GRIN3A: variants seen among roughly 807,000 people sequenced by gnomAD.
GRIN3A encodes glutamate receptor ionotropic, NMDA 3A.
In GRIN3A, 47 loss-of-function variants were observed where a neutral mutation model predicts 92.4. The ratio of observed to expected loss-of-function variants is 0.51; its 90% confidence interval spans 0.40 to 0.65. The LOEUF (loss-of-function observed/expected upper bound fraction) is 0.65, where lower values mean the gene tolerates loss of function less well. Ranked by LOEUF, GRIN3A falls within the 30% of genes least tolerant of loss-of-function variation. The pLI is 0.00. For synonymous variants in GRIN3A, 527 were observed against 540.6 expected (o/e 0.97, Z 0.35); for missense variants, 1,324 against 1,393.1 (o/e 0.95, Z 0.79).
intron 8 of GRIN3A, 45 bp downstream of exon 8, chr9:101,577,723 A>T: frequency 1.5e-6 from 2 of 1,334,262 alleles, no homozygotes; most frequent in Admixed American, 1.7e-5. Context: ...ATCTCTAAAG[A>T]TTATTTTACA....
chr9:101,712,735 A>G (rs1268713057), intron 1 of GRIN3A, among the ~76,000 whole-genome samples: 5 of 152,290 alleles, frequency 3.3e-5, no homozygotes, highest in Non-Finnish European at 2.9e-5. Context: ...TGCACAAACT[A>G]CCAGCTAGTG....
chr9:101,658,760 G>A (rs200024809), intron 3 of GRIN3A, among the ~76,000 whole-genome samples: 2,140 of 151,436 alleles, frequency 0.014, 49 homozygotes, highest in East Asian at 0.099. Context: ...CTGTCTATCT[G>A]TCTATCTATC....
At chr9:101,600,384 T>C (rs1441172767) in intron 6 of GRIN3A, among the ~76,000 whole-genome samples, 1 of 152,124 alleles carries the variant, frequency 6.6e-6, no homozygotes. Context: ...TGACCTAAAG[T>C]GGATACTTTT....
intron 6 of GRIN3A, among the ~76,000 whole-genome samples, chr9:101,584,721 G>A (rs911005238): frequency 7.2e-5 from 11 of 152,220 alleles, no homozygotes; most frequent in African/African-American, 2.7e-4. Context: ...AAAAGGAGAT[G>A]TTTGTACTAT....
intron 1 of GRIN3A, among the ~76,000 whole-genome samples, chr9:101,709,101 T>C (rs1035783731): frequency 6.6e-6 from 1 of 152,136 alleles, no homozygotes; most frequent in Non-Finnish European, 1.5e-5. Flanking sequence ...CTCTTTGTTT[T>C]TTTTTTCTTC....
chr9:101,654,325 A>T (rs7046942), intron 3 of GRIN3A, among the ~76,000 whole-genome samples: 70,946 of 150,872 alleles, frequency 0.47, 16,903 homozygotes, highest in Middle Eastern at 0.54. Flanking sequence ...AATATACATA[A>T]GTACTATATT....
intron 6 of GRIN3A, among the ~76,000 whole-genome samples, chr9:101,602,134 A>G (rs1307923742): frequency 2.6e-5 from 4 of 152,150 alleles, no homozygotes. Context: ...TAAAGGCTCC[A>G]GGGCTCTCTC....
At position 101,737,944 on chromosome 9, in the gene GRIN3A, C is replaced by A. The variant is rs969833256; in HGVS notation, c.36G>T (p.Arg12Ser). The A allele has an allele frequency of 3.9e-6, 6 of 1,538,012 alleles. No individual in the cohort carries two copies. The highest frequency in any genetic ancestry group is 4.4e-6 in the Non-Finnish European group (5 of 1,148,624). ...AGGGCGGCGGCAACAGCAGACAGAC[C>A]CTGCTCAGCAGCCACCACAAACTCA... ...RRLSLWWLLS[R>S]VCLLLPPPCA... The change falls in exon 1 of 9, where the codon AGG (arginine) becomes AGT (serine). Residue 12 changes from arginine to serine, a missense_variant. Coordinates refer to ENST00000361820, the MANE Select transcript of GRIN3A (RefSeq NM_133445.3).
At chr9:101,676,766 T>A (rs1030147017) in intron 2 of GRIN3A, among the ~76,000 whole-genome samples, 1 of 152,168 alleles carries the variant, frequency 6.6e-6, no homozygotes, top group East Asian at 1.9e-4. Flanking sequence ...TTAATTTAGC[T>A]TGCGATCTAC....
At position 101,628,304 on chromosome 9, in the gene GRIN3A, A is replaced by G. The variant is rs1224650633; in HGVS notation, c.2450T>C (p.Met817Thr). Residue 817 changes from methionine (M) to threonine (T), a missense_variant, in exon 4 of 9, where the codon ATG (methionine) becomes ACG (threonine). Coordinates refer to ENST00000361820, the MANE Select transcript of GRIN3A (RefSeq NM_133445.3). ...RQSFPEMHEY[M>T]RRYNVPATPD... ...GGTGGCTGGAACATTGTACCTTCTCATATATTCATGCATCTCTGGGAAACT... is the reference window on the plus strand; with the variant it reads ...GGTGGCTGGAACATTGTACCTTCTCGTATATTCATGCATCTCTGGGAAACT... 1.2e-6 allele frequency: 2 copies of G among 1,613,582 alleles called. No individual in the cohort carries two copies. Among genetic ancestry groups the G allele is most frequent in the South Asian group, 2.2e-5 (2 of 91,072 alleles).
At chr9:101,680,498 GAA>G (rs1336556648) in intron 2 of GRIN3A, among the ~76,000 whole-genome samples, 2 of 152,174 alleles carry the variant, frequency 1.3e-5, no homozygotes, top group African/African-American at 4.8e-5. Context: ...AGTTTGAAGA[GAA>G]AAGAGTCTCT....
At chr9:101,673,214 A>G (rs1483393808) in intron 2 of GRIN3A, among the ~76,000 whole-genome samples, 2 of 152,136 alleles carry the variant, frequency 1.3e-5, no homozygotes, top group African/African-American at 2.4e-5. Context: ...TGCTTAAACC[A>G]TATCAGAAAA....
intron 3 of GRIN3A, among the ~76,000 whole-genome samples, chr9:101,630,070 G>A (rs1193469036): frequency 1.3e-5 from 2 of 152,142 alleles, no homozygotes; most frequent in African/African-American, 2.4e-5. Context: ...CTTGCGCAAG[G>A]CACATTTATC....
intron 3 of GRIN3A, among the ~76,000 whole-genome samples, chr9:101,641,686 C>T (rs1372133170): frequency 6.6e-6 from 1 of 151,216 alleles, no homozygotes; most frequent in East Asian, 1.9e-4. Flanking sequence ...TGCTAAATGA[C>T]GAGTTAATGG....
intron 1 of GRIN3A, among the ~76,000 whole-genome samples, chr9:101,708,795 A>C (rs1331007642): frequency 2.6e-5 from 4 of 152,228 alleles, no homozygotes; most frequent in African/African-American, 4.8e-5. Context: ...CTATGCTAAC[A>C]TCTCCCAGAT....
intron 3 of GRIN3A, among the ~76,000 whole-genome samples, chr9:101,640,734 C>G (rs1828847216): frequency 6.6e-6 from 1 of 152,114 alleles, no homozygotes; most frequent in African/African-American, 2.4e-5. Flanking sequence ...GAATGAGTCT[C>G]ATGAGATCTG....
intron 1 of GRIN3A, among the ~76,000 whole-genome samples, chr9:101,716,728 T>C (rs1194681667): frequency 6.6e-6 from 1 of 152,226 alleles, no homozygotes; most frequent in Non-Finnish European, 1.5e-5. Flanking sequence ...ACTTGTCTGC[T>C]TTACAAATCC....
In GRIN3A at chr9:101,693,242, AAAATATATAT is replaced by A. The variant is rs1452445318; in HGVS notation, c.700-6052_700-6043del. On this transcript the variant is annotated intron_variant, in intron 1 of 8. Coordinates refer to ENST00000361820, the MANE Select transcript of GRIN3A (RefSeq NM_133445.3). ...AAGATGGTGAAACCCCATCTCAGCTAAAATATATATATATATATATATATATATATTGCAC... is the reference window on the plus strand; with the variant it reads ...AAGATGGTGAAACCCCATCTCAGCTAATATATATATATATATATATTGCAC... Among the ~76,000 whole-genome samples, 339 of 80,424 alleles carry A rather than the reference AAAATATATAT, an allele frequency of 4.2e-3. 3 individuals are homozygous for A. The highest frequency in any genetic ancestry group is 9.7e-3 in the African/African-American group (315 of 32,376). The allele number at this position is 80,424 out of a possible 152,430, so 52.8% of individuals were successfully genotyped here. A position where few individuals can be genotyped will look rare whatever the true frequency, so the allele number is the denominator to read the frequency against.
chr9:101,704,081 A>G (rs1289884109), intron 1 of GRIN3A, among the ~76,000 whole-genome samples: 2 of 152,246 alleles, frequency 1.3e-5, no homozygotes, highest in East Asian at 3.8e-4. Context: ...AAGCATTAGA[A>G]ACCATTATCA....
Sources: allele counts gnomAD v4.1 joint callset (sites outside exome capture counted in the v4.1 genomes callset), GRCh38; gene constraint gnomAD v4.1.1; transcripts MANE v1.5; gene names NCBI Gene and HGNC (gene_info 2026-07-23, HGNC 2026-07-21).